Variants in ANXA13 observed in about 807,000 individuals in gnomAD.
The protein encoded by ANXA13 is annexin XIII.
Under a neutral mutation model 46.6 loss-of-function variants are expected in ANXA13, and 36 were observed. The ratio of observed to expected loss-of-function variants is 0.77; its 90% CI spans 0.59 to 1.02. The LOEUF is 1.02. Among genes scored for constraint, ANXA13 ranks in the 50% least tolerant of loss-of-function variants. The pLI, the probability that ANXA13 is intolerant of heterozygous loss-of-function variation, is 0.00. For synonymous variants in ANXA13, 163 were observed against 152.9 expected (o/e 1.07, Z -0.49); for missense variants, 417 against 396.5 (o/e 1.05, Z -0.44).
At chr8:123,722,528 G>A (rs1813903660) in intron 1 of ANXA13, among the ~76,000 whole-genome samples, 1 of 152,074 alleles carries the variant, frequency 6.6e-6, no homozygotes, top group Admixed American at 6.6e-5. Context: ...TCGATGATGA[G>A]AAAATAGAAA....
At chr8:123,716,630 TG>T (rs1054188859) in intron 1 of ANXA13, among the ~76,000 whole-genome samples, 7 of 152,098 alleles carry the variant, frequency 4.6e-5, no homozygotes, top group African/African-American at 1.7e-4. Context: ...CTCATTGTGG[TG>T]GGGGCTGCCT....
chr8:123,693,411 G>A (rs1393876907), intron 7 of ANXA13, 113 bp from the exon 8 acceptor site: 1 of 924,202 alleles, frequency 1.1e-6, no homozygotes, highest in Non-Finnish European at 1.7e-6. Context: ...TTGAATAGAA[G>A]TCAAATGGAC....
chr8:123,703,488 A>G (rs1813484810), intron 2 of ANXA13, among the ~76,000 whole-genome samples: 1 of 152,208 alleles, frequency 6.6e-6, no homozygotes, highest in Non-Finnish European at 1.5e-5. Context: ...AAATGGGTGA[A>G]TTATATGGTG....
intron 6 of ANXA13, among the ~76,000 whole-genome samples, chr8:123,694,920 A>C (rs1006468570): frequency 1.3e-5 from 2 of 152,054 alleles, no homozygotes; most frequent in Non-Finnish European, 2.9e-5. Context: ...GAAACAAAAC[A>C]GAGAAAATGC....
At chr8:123,737,226 A>G in intron 1 of ANXA13, 94 bp downstream of exon 1, 1 of 1,218,236 alleles carries the variant, frequency 8.2e-7, no homozygotes, top group Non-Finnish European at 1.2e-6. Context: ...CCATAGTGAT[A>G]AAGTATACAA....
At chr8:123,735,996 A>G (rs1185061755) in intron 1 of ANXA13, 3 of 1,115,214 alleles carry the variant, frequency 2.7e-6, no homozygotes, top group African/African-American at 1.6e-5. Context: ...GGGTCCATTG[A>G]TTATTCCTGG....
chr8:123,735,887 A>G (rs1299601797), intron 1 of ANXA13: 1 of 1,420,184 alleles, frequency 7.0e-7, no homozygotes. Flanking sequence ...TCTGAGGATT[A>G]AAAAAAAATA....
chr8:123,727,434 A>T (rs777427618), intron 1 of ANXA13, among the ~76,000 whole-genome samples: 4 of 152,128 alleles, frequency 2.6e-5, no homozygotes, highest in African/African-American at 9.7e-5. Flanking sequence ...CATTCTGAGG[A>T]CATCTGCCCT....
intron 9 of ANXA13, among the ~76,000 whole-genome samples, chr8:123,686,266 A>G (rs1253430613): frequency 6.6e-6 from 1 of 152,042 alleles, no homozygotes; most frequent in Non-Finnish European, 1.5e-5. Context: ...TGAGGTCAGG[A>G]GTTCGAGACC....
At chr8:123,708,938 A>C (rs1454572324) in intron 2 of ANXA13, among the ~76,000 whole-genome samples, 5 of 152,212 alleles carry the variant, frequency 3.3e-5, no homozygotes, top group Non-Finnish European at 7.3e-5. Flanking sequence ...ACTTGTCATT[A>C]GATATAGGGC....
chr8:123,693,484 A>G (rs1227829184), intron 7 of ANXA13, among the ~76,000 whole-genome samples, 186 bp from the exon 8 acceptor site: 1 of 152,222 alleles, frequency 6.6e-6, no homozygotes, highest in Non-Finnish European at 1.5e-5. Flanking sequence ...TGTTTATACC[A>G]TTCTTTGTTC....
At chr8:123,707,854 A>T (rs909809858) in intron 2 of ANXA13, among the ~76,000 whole-genome samples, 39 of 152,296 alleles carry the variant, frequency 2.6e-4, no homozygotes, top group African/African-American at 8.7e-4. Context: ...TAATAATAAT[A>T]AAAAACCTAA....
At chr8:123,731,585 T>C (rs1586343876) in intron 1 of ANXA13, among the ~76,000 whole-genome samples, 1 of 152,114 alleles carries the variant, frequency 6.6e-6, no homozygotes, top group Non-Finnish European at 1.5e-5. Flanking sequence ...AAACAGGTGG[T>C]TCTGTTGGGC....
intron 1 of ANXA13, among the ~76,000 whole-genome samples, chr8:123,725,702 G>C (rs1813969894): frequency 6.6e-6 from 1 of 152,148 alleles, no homozygotes; most frequent in South Asian, 2.1e-4. Context: ...ACCCTGTTGG[G>C]TATATTTAAG....
At chr8:123,721,474 G>A (rs1007846235) in intron 1 of ANXA13, among the ~76,000 whole-genome samples, 5 of 152,130 alleles carry the variant, frequency 3.3e-5, no homozygotes, top group Admixed American at 2.0e-4. Context: ...TATCAAGAGC[G>A]CTTGGCAGGA....
chr8:123,694,693 C>A (rs775867052), intron 6 of ANXA13, among the ~76,000 whole-genome samples: 5 of 152,158 alleles, frequency 3.3e-5, no homozygotes, highest in Non-Finnish European at 7.4e-5. Context: ...GATAACCTGA[C>A]CAAAGGACTC....
At chr8:123,692,130 CA>C (rs948365912) in intron 8 of ANXA13, among the ~76,000 whole-genome samples, 70 of 152,348 alleles carry the variant, frequency 4.6e-4, no homozygotes, top group African/African-American at 1.6e-3. Flanking sequence ...GCTGGCAACA[CA>C]TAGGAAATGC....
At chr8:123,683,510 A>C (rs115678424) in intron 10 of ANXA13, among the ~76,000 whole-genome samples, 139 of 140,022 alleles carry the variant, frequency 9.9e-4, no homozygotes, top group African/African-American at 3.7e-3. Flanking sequence ...CCTGCTGCCG[A>C]TGAAATGCCA....
intron 1 of ANXA13, 57 bp from the exon 2 acceptor site, chr8:123,712,810 T>C: frequency 2.0e-6 from 3 of 1,521,650 alleles, no homozygotes; most frequent in South Asian, 1.1e-5. Context: ...AAATGATCTC[T>C]GGCTAAAATC....
Sources: allele counts gnomAD v4.1 joint callset (sites outside exome capture counted in the v4.1 genomes callset), GRCh38; gene constraint gnomAD v4.1.1; transcripts MANE v1.5; gene names NCBI Gene and HGNC (gene_info 2026-07-23, HGNC 2026-07-21).